Variants in XPO4 observed in about 807,000 individuals in gnomAD.
XPO4 encodes exportin 4.
XPO4 carries 39 observed loss-of-function variants against 143.0 expected under a neutral mutation model. The observed-to-expected ratio is 0.27, with a 90% CI of 0.21 to 0.36. XPO4 has a LOEUF of 0.36. Among genes scored for constraint, XPO4 ranks in the 10% least tolerant of loss-of-function variants. The pLI, the probability that XPO4 is intolerant of heterozygous loss-of-function variation, is 1.00. For missense variants in XPO4, 907 were observed against 1,348.0 expected, an observed-to-expected ratio of 0.67 and a Z score of 5.12; for synonymous variants, 439 against 474.0, an observed-to-expected ratio of 0.93 and a Z score of 0.96.
rs1566636635 is a variant in XPO4, at chr13:20,902,699, G to A, written c.40C>T (p.Gln14Ter). 6.3e-7 allele frequency: 1 copy of A among 1,585,652 alleles called. No homozygotes were observed. The highest frequency in any genetic ancestry group is 8.6e-7 in the Non-Finnish European group (1 of 1,166,546). The change falls in exon 1 of 23, where the codon CAG (glutamine) becomes TAG (stop). Residue 14 changes from glutamine to a stop codon, truncating the protein, a stop_gained. Coordinates refer to ENST00000255305, the MANE Select transcript of XPO4 (RefSeq NM_022459.5). LOFTEE classifies it high-confidence loss of function. ...AGAACTTTAGCCGCGTTCTCCAGCT[G>A]AGCGATCACTTCTGGGGGCCCCAGC... ...AALGPPEVIA[Q>*]LENAAKVLMA...
At chr13:20,843,731 G>C (rs779847539) in intron 5 of XPO4, 39 bp downstream of exon 5, 1 of 1,384,676 alleles carries the variant, frequency 7.2e-7, no homozygotes, top group Non-Finnish European at 1.0e-6. Flanking sequence ...AAAAGTGAAT[G>C]ATCCAATAAT....
intron 1 of XPO4, among the ~76,000 whole-genome samples, chr13:20,884,791 A>G (rs1314270116): frequency 1.3e-5 from 2 of 152,200 alleles, no homozygotes; most frequent in African/African-American, 4.8e-5. Context: ...TTGAAGCTGC[A>G]GTGAACTTTA....
intron 16 of XPO4, 47 bp downstream of exon 16, chr13:20,799,118 T>G (rs1175313458): frequency 1.3e-6 from 2 of 1,509,074 alleles, no homozygotes; most frequent in Non-Finnish European, 1.8e-6. Context: ...ATAAAGGAAC[T>G]ACAGAGTTAC....
intron 6 of XPO4, among the ~76,000 whole-genome samples, chr13:20,838,244 A>C (rs1595116496): frequency 2.0e-5 from 3 of 152,318 alleles, no homozygotes; most frequent in Admixed American, 2.0e-4. Context: ...TCCTACAGCC[A>C]CTGCTCAGTC....
chr13:20,827,611 G>GA (rs1453829199), intron 6 of XPO4, among the ~76,000 whole-genome samples: 2 of 151,956 alleles, frequency 1.3e-5, no homozygotes, highest in East Asian at 3.9e-4. Flanking sequence ...AGTCTACTTG[G>GA]AAAAATAGCA....
At chr13:20,859,493 G>A (rs564660627) in intron 3 of XPO4, among the ~76,000 whole-genome samples, 1 of 152,272 alleles carries the variant, frequency 6.6e-6, no homozygotes, top group South Asian at 2.1e-4. Flanking sequence ...CCAGCTACTC[G>A]GGAGGCTGAG....
rs201979268 is a variant in XPO4 at position 20,791,111 on chromosome 13, T to TTA, written c.2798-533_2798-532dup. ...GGTTATCATTCTTAATACATATGAA[T>TTA]TATATATATATATAAATTAATGAGA... On this transcript the variant is annotated intron_variant, in intron 18 of 22. Transcript: ENST00000255305. Among the ~76,000 whole-genome samples the TTA allele has an allele frequency of 3.5e-3, 527 of 151,160 alleles. 4 individuals carry two copies. The highest frequency in any genetic ancestry group is 0.012 in the African/African-American group (488 of 41,260).
intron 3 of XPO4, among the ~76,000 whole-genome samples, chr13:20,861,437 A>T (rs1415693229): frequency 1.3e-5 from 2 of 151,692 alleles, no homozygotes; most frequent in East Asian, 3.9e-4. Context: ...CTGGGACTAC[A>T]GGCATGCACT....
chr13:20,856,733 C>A (rs2060147980), intron 3 of XPO4: 2 of 653,940 alleles, frequency 3.1e-6, no homozygotes, highest in Non-Finnish European at 1.9e-6. Flanking sequence ...TCCTTGACTT[C>A]TGCCCTTCCA....
chr13:20,873,656 A>C (rs1026066437), intron 1 of XPO4, among the ~76,000 whole-genome samples: 6 of 152,060 alleles, frequency 3.9e-5, no homozygotes, highest in African/African-American at 1.2e-4. Context: ...TTTTTGAGAC[A>C]GAGTCACTCT....
intron 13 of XPO4, among the ~76,000 whole-genome samples, chr13:20,805,276 AC>A (rs1456729989): frequency 6.6e-6 from 1 of 152,044 alleles, no homozygotes; most frequent in African/African-American, 2.4e-5. Context: ...AGCAGAGTAA[AC>A]TTCTTAACAT....
chr13:20,895,880 TA>T (rs2060564300), intron 1 of XPO4, among the ~76,000 whole-genome samples: 2 of 152,208 alleles, frequency 1.3e-5, no homozygotes, highest in South Asian at 4.1e-4. Flanking sequence ...ACCAGTATAT[TA>T]AATCAATTTG....
intron 1 of XPO4, among the ~76,000 whole-genome samples, chr13:20,893,967 C>T (rs1457332891): frequency 3.3e-5 from 5 of 152,202 alleles, no homozygotes; most frequent in Middle Eastern, 3.4e-3. Flanking sequence ...CCTCAGCCTC[C>T]CGAGTAGCTG....
At chr13:20,839,365 G>A (rs1188665098) in intron 6 of XPO4, among the ~76,000 whole-genome samples, 1 of 152,198 alleles carries the variant, frequency 6.6e-6, no homozygotes, top group African/African-American at 2.4e-5. Flanking sequence ...GCTACGGACT[G>A]GGGAAGGTGG....
chr13:20,841,931 G>A (rs554510673), intron 6 of XPO4, among the ~76,000 whole-genome samples: 4 of 151,808 alleles, frequency 2.6e-5, no homozygotes, highest in South Asian at 2.1e-4. Flanking sequence ...AGAACAGGTC[G>A]CATTAAATTT....
intron 1 of XPO4, among the ~76,000 whole-genome samples, chr13:20,876,742 A>C (rs867666771): frequency 2.0e-4 from 31 of 152,340 alleles, no homozygotes; most frequent in African/African-American, 5.8e-4. Flanking sequence ...CACAGATGAG[A>C]ATGTGTCCAG....
intron 1 of XPO4, among the ~76,000 whole-genome samples, chr13:20,898,814 A>G (rs1452627775): frequency 6.6e-6 from 1 of 152,172 alleles, no homozygotes; most frequent in Non-Finnish European, 1.5e-5. Context: ...TCTAAAATCA[A>G]AACACCTCCT....
In XPO4 at chr13:20,787,502, T is replaced by C. The variant is rs1300188383; in HGVS notation, c.3144A>G (p.Leu1048=). 1.2e-6 allele frequency: 2 copies of C among 1,614,120 alleles called. No homozygotes were observed. The highest frequency in any genetic ancestry group is 1.7e-5 in the Admixed American group (1 of 60,008). Residue 1048 remains leucine, a synonymous_variant, in exon 21 of 23, where the codon CTA becomes CTG. Transcript: ENST00000255305. ...TTACCTTAAGAAAGTGCCGTGTTGC[T>C]AGAAAAAGTGGTGAGTCTGTTTCTT... The part of the protein sequence containing the change: ...KAQETDSPLF[L]ATRHFLKLVF...
At chr13:20,838,828 G>T (rs923414839) in intron 6 of XPO4, among the ~76,000 whole-genome samples, 3 of 151,858 alleles carry the variant, frequency 2.0e-5, no homozygotes, top group Non-Finnish European at 4.4e-5. Flanking sequence ...TCAAAAAGTG[G>T]AAACAACCCA....
Sources: allele counts gnomAD v4.1 joint callset (sites outside exome capture counted in the v4.1 genomes callset), GRCh38; gene constraint gnomAD v4.1.1; transcripts MANE v1.5; gene names NCBI Gene and HGNC (gene_info 2026-07-23, HGNC 2026-07-21).